CTNNA3: variants seen among roughly 807,000 people sequenced by gnomAD.
CTNNA3 encodes catenin alpha-3.
Under a neutral mutation model 95.7 loss-of-function variants are expected in CTNNA3, and 76 were observed. That is an observed-to-expected ratio of 0.79 (90% confidence interval 0.66 to 0.96). The LOEUF is 0.96. Among genes scored for constraint, CTNNA3 ranks in the 40% least tolerant of loss-of-function variants. CTNNA3 has a pLI of 0.00. For missense variants in CTNNA3, 1,191 were observed against 1,089.8 expected, an observed-to-expected ratio of 1.09 and a Z score of -1.31; for synonymous variants, 431 against 374.4, an observed-to-expected ratio of 1.15 and a Z score of -1.74.
At chr10:66,266,147 G>A (rs886772348) in intron 13 of CTNNA3, among the ~76,000 whole-genome samples, 1 of 150,900 alleles carries the variant, frequency 6.6e-6, no homozygotes, top group Non-Finnish European at 1.5e-5. Flanking sequence ...AAGGAAAGAA[G>A]GAAGGAAGGA....
At chr10:66,192,957 C>A (rs1444960672) in intron 13 of CTNNA3, among the ~76,000 whole-genome samples, 1 of 152,004 alleles carries the variant, frequency 6.6e-6, no homozygotes, top group Admixed American at 6.6e-5. Context: ...TATTTTATTC[C>A]CAGTATATAG....
chr10:66,699,852 T>A (rs1456369899), intron 9 of CTNNA3, among the ~76,000 whole-genome samples: 1 of 152,030 alleles, frequency 6.6e-6, no homozygotes, highest in Non-Finnish European at 1.5e-5. Flanking sequence ...AGATGGGGTT[T>A]CTCCATGTTG....
chr10:67,725,952 GTA>G (rs923634974), intron 1 of CTNNA3, among the ~76,000 whole-genome samples: 1 of 118,308 alleles, frequency 8.5e-6, no homozygotes, highest in Non-Finnish European at 1.7e-5. Context: ...TTTAGTATAT[GTA>G]TATATAATAT....
chr10:66,508,696 T>C (rs1840550446), intron 11 of CTNNA3, among the ~76,000 whole-genome samples: 1 of 152,174 alleles, frequency 6.6e-6, no homozygotes, highest in African/African-American at 2.4e-5. Context: ...TCTATGCATG[T>C]TACAGTGAAT....
At chr10:66,722,603 T>C (rs1283246021) in intron 9 of CTNNA3, among the ~76,000 whole-genome samples, 1 of 143,150 alleles carries the variant, frequency 7.0e-6, no homozygotes, top group Non-Finnish European at 1.5e-5. Context: ...AAACACACTT[T>C]TAATACTTGC....
intron 1 of CTNNA3, among the ~76,000 whole-genome samples, chr10:67,658,252 T>C (rs1840082280): frequency 6.6e-6 from 1 of 152,048 alleles, no homozygotes; most frequent in South Asian, 2.1e-4. Context: ...ATAATAAGAG[T>C]ACCTACCTCA....
intron 1 of CTNNA3, among the ~76,000 whole-genome samples, chr10:67,689,689 C>G (rs1178413858): frequency 6.6e-6 from 1 of 152,048 alleles, no homozygotes; most frequent in Non-Finnish European, 1.5e-5. Context: ...TCTGTCAACC[C>G]TCGGCTCAGC....
intron 13 of CTNNA3, among the ~76,000 whole-genome samples, chr10:66,185,619 G>T (rs907106482): frequency 6.6e-6 from 1 of 151,942 alleles, no homozygotes; most frequent in Non-Finnish European, 1.5e-5. Context: ...TGTCTAAAAT[G>T]TTACCACATT....
At chr10:67,025,147 AG>A (rs1468556164) in intron 7 of CTNNA3, among the ~76,000 whole-genome samples, 6 of 148,246 alleles carry the variant, frequency 4.0e-5, no homozygotes, top group African/African-American at 1.5e-4. Flanking sequence ...AAAAAAAAAA[AG>A]AAAGAAAGGA....
chr10:66,563,522 G>T lies in CTNNA3; in HGVS notation c.1375-42749C>A, dbSNP rs1263379201. Among the ~76,000 whole-genome samples, 9 of 152,172 alleles carry T rather than the reference G, an allele frequency of 5.9e-5. No homozygotes were observed. In the South Asian group the frequency reaches 8.3e-4, roughly 14 times the overall value. On this transcript the variant is annotated intron_variant, in intron 10 of 17. Transcript: ENST00000433211. ...ATATAATTACATAATCTCTTTGCTA[G>T]TTGTTTCATATGAGAAAGAAAAATA...
intron 7 of CTNNA3, among the ~76,000 whole-genome samples, chr10:67,180,009 T>G (rs541020271): frequency 6.6e-6 from 1 of 152,274 alleles, no homozygotes; most frequent in African/African-American, 2.4e-5. Flanking sequence ...TTTATATTTC[T>G]TAAATTGATG....
At chr10:66,541,935 A>G (rs1178923417) in intron 10 of CTNNA3, among the ~76,000 whole-genome samples, 1 of 152,186 alleles carries the variant, frequency 6.6e-6, no homozygotes, top group Admixed American at 6.5e-5. Context: ...AGAAACTACC[A>G]TCAGAGTGAA....
intron 17 of CTNNA3, among the ~76,000 whole-genome samples, chr10:65,921,765 C>A (rs749824176): frequency 1.3e-5 from 2 of 152,132 alleles, no homozygotes; most frequent in Non-Finnish European, 2.9e-5. Flanking sequence ...TGTCCAGTAA[C>A]CTTTTTGGTA....
intron 5 of CTNNA3, among the ~76,000 whole-genome samples, chr10:67,455,064 T>A (rs1847121373): frequency 6.6e-6 from 1 of 152,148 alleles, no homozygotes; most frequent in East Asian, 1.9e-4. Context: ...ATAATACAGT[T>A]AATAAAAATT....
chr10:66,884,482 A>T (rs528299036), intron 7 of CTNNA3, among the ~76,000 whole-genome samples: 1 of 152,208 alleles, frequency 6.6e-6, no homozygotes, highest in Admixed American at 6.5e-5. Flanking sequence ...CACAAACCCC[A>T]TGGGGAGACC....
At position 66,027,213 on chromosome 10, in the gene CTNNA3, C is replaced by G. The variant is rs187701403; in HGVS notation, c.2160-38416G>C. Reference sequence around the variant, plus strand: ...TGTTCTTGCAGTTTCAATTTCCAAACTTGCAAATTGGAAGATAAAAATTAT... The same window carrying G: ...TGTTCTTGCAGTTTCAATTTCCAAAGTTGCAAATTGGAAGATAAAAATTAT... On this transcript the variant is annotated intron_variant, in intron 15 of 17. Coordinates refer to ENST00000433211, the MANE Select transcript of CTNNA3 (RefSeq NM_013266.4). Among the ~76,000 whole-genome samples, 20 of 152,078 alleles carry G rather than the reference C, an allele frequency of 1.3e-4. No homozygotes were observed. In the South Asian group the frequency reaches 3.9e-3, roughly 30 times the overall value.
At chr10:66,034,956 T>A (rs1358566577) in intron 15 of CTNNA3, among the ~76,000 whole-genome samples, 2 of 152,236 alleles carry the variant, frequency 1.3e-5, no homozygotes, top group Non-Finnish European at 2.9e-5. Context: ...TAACTGTAAC[T>A]ATTTTATATC....
At chr10:67,315,814 T>C (rs867795361) in intron 5 of CTNNA3, among the ~76,000 whole-genome samples, 43 of 152,272 alleles carry the variant, frequency 2.8e-4, no homozygotes, top group Middle Eastern at 3.4e-3. Context: ...AGTATGTTTG[T>C]TATTTTTTCA....
At chr10:66,542,861 C>T (rs1215727125) in intron 10 of CTNNA3, among the ~76,000 whole-genome samples, 3 of 151,670 alleles carry the variant, frequency 2.0e-5, no homozygotes, top group Admixed American at 2.0e-4. Flanking sequence ...ACGTTGTGCA[C>T]ATGTACCCTA....
Sources: allele counts gnomAD v4.1 joint callset (sites outside exome capture counted in the v4.1 genomes callset), GRCh38; gene constraint gnomAD v4.1.1; transcripts MANE v1.5; gene names NCBI Gene and HGNC (gene_info 2026-07-23, HGNC 2026-07-21).